SSH2: variants seen among roughly 807,000 people sequenced by gnomAD.
SSH2 encodes protein phosphatase Slingshot homolog 2.
SSH2 carries 37 observed loss-of-function variants against 135.2 expected under a neutral mutation model. The observed-to-expected ratio is 0.27, with a 90% confidence interval of 0.21 to 0.36. The LOEUF is 0.36. Among genes scored for constraint, SSH2 ranks in the 10% least tolerant of loss-of-function variants. The pLI, the probability that SSH2 is intolerant of heterozygous loss-of-function variation, is 1.00. For missense variants in SSH2, 1,408 were observed against 1,765.3 expected (o/e 0.80, Z 3.63); for synonymous variants, 628 against 646.2 (o/e 0.97, Z 0.43).
intron 1 of SSH2, among the ~76,000 whole-genome samples, chr17:29,913,348 AT>A (rs1239713998): frequency 0.06 from 811 of 13,530 alleles, 47 homozygotes; most frequent in East Asian, 0.077. Flanking sequence ...AAAAAAAAAA[AT>A]ATATATATAT....
intron 1 of SSH2, among the ~76,000 whole-genome samples, chr17:29,851,383 G>C (rs1205402178): frequency 6.6e-6 from 1 of 152,012 alleles, no homozygotes; most frequent in African/African-American, 2.4e-5. Flanking sequence ...CTGAGGTCAG[G>C]AGTTCAAGAC....
chr17:29,757,646 T>G (rs2041167907), intron 3 of SSH2, among the ~76,000 whole-genome samples: 2 of 151,264 alleles, frequency 1.3e-5, no homozygotes, highest in Non-Finnish European at 2.9e-5. Flanking sequence ...ATCCCAGCAC[T>G]TTGGGAGGCC....
rs541792077 is a variant in SSH2, at chr17:29,813,695, G to A, written c.145-19758C>T. On this transcript the variant is annotated intron_variant, in intron 2 of 15. Transcript: ENST00000540801. ...TAGCCGGGCGTGGTGGCAGGTGCCT[G>A]TAATCCCAGCTACTTGGGAGGCTGA... is the stretch of plus-strand genomic sequence containing the variant. 1.6e-3 allele frequency among the ~76,000 whole-genome samples: 243 copies of A among 151,828 alleles called. 2 individuals carry two copies. The highest frequency in any genetic ancestry group is 5.7e-3 in the African/African-American group (236 of 41,406).
At chr17:29,768,430 T>C (rs2041498113) in intron 3 of SSH2, among the ~76,000 whole-genome samples, 1 of 151,858 alleles carries the variant, frequency 6.6e-6, no homozygotes, top group South Asian at 2.1e-4. Flanking sequence ...TAGCTGGGAC[T>C]GCAGGCATGT....
intron 1 of SSH2, among the ~76,000 whole-genome samples, chr17:29,849,858 A>AG (rs1484030250): frequency 0.024 from 1,849 of 76,716 alleles, 11 homozygotes; most frequent in African/African-American, 0.066. Flanking sequence ...AAAAAAAAGT[A>AG]TATATATATA....
chr17:29,650,615 G>A, intron 13 of SSH2, 39 bp downstream of exon 13: 2 of 1,567,018 alleles, frequency 1.3e-6, no homozygotes, highest in South Asian at 1.2e-5. Flanking sequence ...TGGGGCAAGA[G>A]GAACAGAGAT....
chr17:29,803,411 G>C (rs1162663851), intron 2 of SSH2, among the ~76,000 whole-genome samples: 1 of 152,142 alleles, frequency 6.6e-6, no homozygotes, highest in African/African-American at 2.4e-5. Context: ...AAACTGGAGT[G>C]CCTAAACATG....
chr17:29,735,962 T>C (rs2040349645), intron 3 of SSH2, among the ~76,000 whole-genome samples: 1 of 151,926 alleles, frequency 6.6e-6, no homozygotes, highest in Admixed American at 6.6e-5. Context: ...CTGGGTGTGG[T>C]GGTGCGTGCT....
intron 1 of SSH2, among the ~76,000 whole-genome samples, chr17:29,872,557 C>T (rs926870220): frequency 2.0e-5 from 3 of 151,978 alleles, no homozygotes; most frequent in African/African-American, 7.3e-5. Context: ...GAGTTTTAGA[C>T]CTGCCTTAGC....
chr17:29,873,469 G>A (rs1413873121), intron 1 of SSH2, among the ~76,000 whole-genome samples: 3 of 152,006 alleles, frequency 2.0e-5, no homozygotes, highest in Non-Finnish European at 4.4e-5. Flanking sequence ...TGAGGCGGGA[G>A]AATCACTTGA....
At chr17:29,793,181 G>A (rs997778916) in intron 3 of SSH2, among the ~76,000 whole-genome samples, 4 of 151,992 alleles carry the variant, frequency 2.6e-5, no homozygotes, top group Admixed American at 1.3e-4. Flanking sequence ...TAAAATAAAT[G>A]TTATTTTATA....
At chr17:29,784,179 G>T (rs927763996) in intron 3 of SSH2, among the ~76,000 whole-genome samples, 1 of 151,398 alleles carries the variant, frequency 6.6e-6, no homozygotes, top group Non-Finnish European at 1.5e-5. Flanking sequence ...CTGAGATCAG[G>T]AGTTAGAGAC....
chr17:29,781,909 A>G (rs1453242896), intron 3 of SSH2, among the ~76,000 whole-genome samples: 3 of 150,618 alleles, frequency 2.0e-5, no homozygotes, highest in African/African-American at 7.3e-5. Context: ...GCAAAATCTC[A>G]ATCTCGGCTC....
At chr17:29,705,272 A>T (rs2039152480) in intron 3 of SSH2, among the ~76,000 whole-genome samples, 1 of 152,180 alleles carries the variant, frequency 6.6e-6, no homozygotes, top group African/African-American at 2.4e-5. Flanking sequence ...CACTATTTAA[A>T]AAGTTTTTCT....
intron 3 of SSH2, among the ~76,000 whole-genome samples, chr17:29,792,291 CAT>C (rs2042082512): frequency 6.6e-6 from 1 of 152,036 alleles, no homozygotes; most frequent in South Asian, 2.1e-4. Flanking sequence ...TTTGGAACAA[CAT>C]TATTCCAGTG....
chr17:29,643,392 C>G (rs1330138865), intron 14 of SSH2: 8 of 413,604 alleles, frequency 1.9e-5, no homozygotes, highest in Non-Finnish European at 2.6e-5. Flanking sequence ...TCCCTAGATC[C>G]AGAGGATAAA....
At chr17:29,750,979 A>G (rs1225831098) in intron 3 of SSH2, among the ~76,000 whole-genome samples, 3 of 152,048 alleles carry the variant, frequency 2.0e-5, no homozygotes, top group Admixed American at 1.3e-4. Context: ...TTCCATCTCC[A>G]TATCTTGCCA....
intron 3 of SSH2, among the ~76,000 whole-genome samples, chr17:29,770,186 G>A (rs2041548361): frequency 7.1e-6 from 1 of 141,148 alleles, no homozygotes; most frequent in South Asian, 2.2e-4. Flanking sequence ...TGCAACCTCT[G>A]CCTCCTGGGT....
chr17:29,662,387 C>G (rs2037086023), intron 11 of SSH2, among the ~76,000 whole-genome samples: 1 of 152,186 alleles, frequency 6.6e-6, no homozygotes, highest in South Asian at 2.1e-4. Context: ...GGACTGGTAT[C>G]TCTGTCCATA....
Sources: allele counts gnomAD v4.1 joint callset (sites outside exome capture counted in the v4.1 genomes callset), GRCh38; gene constraint gnomAD v4.1.1; transcripts MANE v1.5; gene names NCBI Gene and HGNC (gene_info 2026-07-23, HGNC 2026-07-21).